SEPTIN2: variants seen among roughly 807,000 people sequenced by gnomAD.
The protein encoded by SEPTIN2 is septin 2.
SEPTIN2 carries 34 observed loss-of-function variants against 46.5 expected under a neutral mutation model. The ratio of observed to expected loss-of-function variants is 0.73; its 90% CI spans 0.56 to 0.97. The LOEUF (loss-of-function observed/expected upper bound fraction) is 0.97. Ranked by LOEUF, SEPTIN2 falls within the 50% of genes least tolerant of loss-of-function variation. The pLI is 0.00. For missense variants in SEPTIN2, 347 were observed against 448.4 expected (o/e 0.77, Z 2.04); for synonymous variants, 175 against 153.4 (o/e 1.14, Z -1.04).
chr2:241,322,484 G>C (rs536230887), intron 1 of SEPTIN2, among the ~76,000 whole-genome samples: 436 of 152,060 alleles, frequency 2.9e-3, no homozygotes, highest in Non-Finnish European at 4.6e-3. Context: ...GCGGGCGCCT[G>C]TAGTCCCAGC....
At chr2:241,341,189 G>T (rs1180763709) in intron 7 of SEPTIN2, among the ~76,000 whole-genome samples, 2 of 152,252 alleles carry the variant, frequency 1.3e-5, no homozygotes, top group African/African-American at 4.8e-5. Context: ...TGTGGCTTCT[G>T]ATTTGCCCTT....
intron 4 of SEPTIN2, 88 bp from the exon 5 acceptor site, chr2:241,335,887 G>T: frequency 6.5e-7 from 1 of 1,549,422 alleles, no homozygotes; most frequent in Non-Finnish European, 8.9e-7. Flanking sequence ...TAGAGAGGCA[G>T]TAGACTCTGA....
intron 1 of SEPTIN2, among the ~76,000 whole-genome samples, chr2:241,318,885 A>G (rs1174499081): frequency 6.6e-6 from 1 of 151,716 alleles, no homozygotes; most frequent in Non-Finnish European, 1.5e-5. Context: ...TTTGGTAGAG[A>G]CGGGGTTTCA....
intron 1 of SEPTIN2, among the ~76,000 whole-genome samples, chr2:241,317,878 CA>C (rs1347234710): frequency 2.0e-5 from 3 of 152,114 alleles, no homozygotes; most frequent in Non-Finnish European, 2.9e-5. Flanking sequence ...GAACTTTAAA[CA>C]ACTTCTGGCA....
intron 7 of SEPTIN2, among the ~76,000 whole-genome samples, chr2:241,338,105 C>T (rs1195533103): frequency 6.6e-6 from 1 of 152,064 alleles, no homozygotes; most frequent in Non-Finnish European, 1.5e-5. Context: ...GTGATCTCTC[C>T]ATGAAGTTTG....
chr2:241,323,408 G>T (rs547304067), intron 1 of SEPTIN2, among the ~76,000 whole-genome samples: 1 of 151,530 alleles, frequency 6.6e-6, no homozygotes, highest in Non-Finnish European at 1.5e-5. Flanking sequence ...GACCTCAAGC[G>T]CCACCATGCC....
chr2:241,328,286 CCTG>C (rs760871742), intron 3 of SEPTIN2, among the ~76,000 whole-genome samples: 2 of 151,864 alleles, frequency 1.3e-5, no homozygotes, highest in Non-Finnish European at 2.9e-5. Flanking sequence ...AATACAAAAA[CCTG>C]GGCGTGGTGG....
intron 1 of SEPTIN2, chr2:241,316,622 G>C: frequency 1.7e-6 from 2 of 1,186,630 alleles, no homozygotes; most frequent in Non-Finnish European, 2.3e-6. Context: ...GGGATGAGGA[G>C]CAAACCTGTG....
In SEPTIN2 at chr2:241,343,859, A is replaced by C. The variant is rs768028368; in HGVS notation, c.804A>C (p.Pro268=). The change falls in exon 9 of 13, where the codon CCA becomes CCC. Residue 268 remains proline (P), a synonymous_variant. Transcript: ENST00000391971. Reference sequence around the variant, plus strand: ...GGGGTGTTGTGGAAGTGGAGAACCCAGAGCACAATGACTTTCTGAAGCTGA... The same window carrying C: ...GGGGTGTTGTGGAAGTGGAGAACCCCGAGCACAATGACTTTCTGAAGCTGA... ...YPWGVVEVEN[P]EHNDFLKLRT... is the part of the protein sequence containing the mutation. 3.7e-6 allele frequency: 6 copies of C among 1,614,230 alleles called. No individual in the cohort carries two copies. The highest frequency in any genetic ancestry group is 5.1e-6 in the Non-Finnish European group (6 of 1,180,024).
In SEPTIN2 at chr2:241,322,988, G is replaced by A. The variant is rs908943156; in HGVS notation, c.-17-1228G>A. Among the ~76,000 whole-genome samples the A allele has an allele frequency of 4.6e-5, 7 of 150,942 alleles. No individual in the cohort carries two copies. The East Asian group carries it at 5.9e-4, about 13-fold the overall frequency. The stretch of plus-strand genomic sequence containing the variant: ...ATTATTGAAAATATGGAATATGTGC[G>A]TACATATATATATACAGTTGCTTTT... On this transcript the variant is annotated intron_variant, in intron 1 of 12. Coordinates refer to ENST00000391971, the MANE Select transcript of SEPTIN2 (RefSeq NM_004404.5).
intron 7 of SEPTIN2, among the ~76,000 whole-genome samples, chr2:241,341,045 A>G (rs184717378): frequency 2.4e-4 from 36 of 152,324 alleles, no homozygotes; most frequent in East Asian, 3.9e-4. Flanking sequence ...GTGATTGGCA[A>G]TTCTACTTCT....
rs760552642 is a variant in SEPTIN2, at chr2:241,335,335, G to A, written c.217+123G>A. On this transcript the variant is annotated intron_variant, in intron 4 of 12. Coordinates refer to ENST00000391971, the MANE Select transcript of SEPTIN2 (RefSeq NM_004404.5). ...GTTCTTGTTCAGCTTTGAACACAAG[G>A]AAAACACTTTTATGGGGTAGGTGTG... is the stretch of plus-strand genomic sequence containing the variant. 9.0e-6 allele frequency: 14 copies of A among 1,553,808 alleles called. No homozygotes were observed. In the South Asian group the frequency reaches 1.7e-4, roughly 18 times the overall value.
chr2:241,338,948 T>C (rs1167435524), intron 7 of SEPTIN2, among the ~76,000 whole-genome samples: 2 of 80,628 alleles, frequency 2.5e-5, no homozygotes, highest in African/African-American at 9.0e-5. Context: ...ATATATATTA[T>C]ATATATAATA....
intron 7 of SEPTIN2, among the ~76,000 whole-genome samples, chr2:241,340,271 C>T (rs530508357): frequency 3.3e-5 from 5 of 152,206 alleles, no homozygotes; most frequent in African/African-American, 4.8e-5. Context: ...GTGTTGATGC[C>T]GGTTGGTGTA....
At chr2:241,336,457 A>G in intron 5 of SEPTIN2, 1 of 213,326 alleles carries the variant, frequency 4.7e-6, no homozygotes, top group Non-Finnish European at 9.5e-6. Flanking sequence ...TCTGTAAATG[A>G]CTGCTCATTG....
chr2:241,347,586 A>G (rs893028398), intron 10 of SEPTIN2, among the ~76,000 whole-genome samples: 2 of 152,218 alleles, frequency 1.3e-5, no homozygotes, highest in African/African-American at 4.8e-5. Context: ...AATTCTTCAG[A>G]TAATACCTAT....
At chr2:241,340,393 A>G (rs1453783987) in intron 7 of SEPTIN2, among the ~76,000 whole-genome samples, 3 of 151,418 alleles carry the variant, frequency 2.0e-5, no homozygotes, top group Non-Finnish European at 4.4e-5. Flanking sequence ...TTTGACTTTC[A>G]TTTTTTCACA....
At chr2:241,316,536 C>G (rs2076288784) in intron 1 of SEPTIN2, 1 of 1,520,648 alleles carries the variant, frequency 6.6e-7, no homozygotes, top group Non-Finnish European at 8.8e-7. Context: ...GGAGAGGCGA[C>G]GAAGGTCTGC....
rs1212499038 is a variant in SEPTIN2, at chr2:241,352,463, C to A, written c.*526C>A. On this transcript the variant is annotated 3_prime_UTR_variant, in exon 13 of 13. Coordinates refer to ENST00000391971, the MANE Select transcript of SEPTIN2 (RefSeq NM_004404.5). ...TCCTTGCTTTTATGTTTGTACACAA[C>A]ACCTAAAACCAGTTTTGCTGCTATA... 1.3e-5 allele frequency: 2 copies of A among 152,678 alleles called. No homozygotes were observed. Among genetic ancestry groups the A allele is most frequent in the Non-Finnish European group, 2.9e-5 (2 of 68,050 alleles). 9.5% of individuals were successfully genotyped at this position (152,678 alleles called of 1,614,324 possible). A position where few individuals can be genotyped will look rare whatever the true frequency, so the allele number is the denominator to read the frequency against.
Sources: allele counts gnomAD v4.1 joint callset (sites outside exome capture counted in the v4.1 genomes callset), GRCh38; gene constraint gnomAD v4.1.1; transcripts MANE v1.5; gene names NCBI Gene and HGNC (gene_info 2026-07-23, HGNC 2026-07-21).